Variants in SYNDIG1 observed in about 807,000 individuals in gnomAD.
SYNDIG1 encodes the protein synapse differentiation inducing 1, also known as synapse differentiation-inducing gene protein 1.
A neutral mutation model predicts 19.4 loss-of-function variants in SYNDIG1; 9 were observed. The ratio of observed to expected loss-of-function variants is 0.46; its 90% confidence interval spans 0.28 to 0.81. The LOEUF is 0.81. Among genes scored for constraint, SYNDIG1 ranks in the 30% least tolerant of loss-of-function variants. The pLI, the probability that SYNDIG1 is intolerant of heterozygous loss-of-function variation, is 0.12. For missense variants in SYNDIG1, 311 were observed against 343.3 expected, an observed-to-expected ratio of 0.91 and a Z score of 0.74; for synonymous variants, 141 against 145.9, an observed-to-expected ratio of 0.97 and a Z score of 0.24.
chr20:24,480,416 C>T (rs898886635), intron 1 of SYNDIG1, among the ~76,000 whole-genome samples: 9 of 152,110 alleles, frequency 5.9e-5, no homozygotes, highest in Admixed American at 1.3e-4. Context: ...GTTCAAATTA[C>T]GTTAATTGAC....
intron 1 of SYNDIG1, among the ~76,000 whole-genome samples, chr20:24,489,327 CAT>C (rs1054179668): frequency 1.3e-3 from 185 of 147,834 alleles, no homozygotes; most frequent in African/African-American, 4.4e-3. Flanking sequence ...CATGGACACA[CAT>C]ATAGATTCAT....
intron 1 of SYNDIG1, among the ~76,000 whole-genome samples, chr20:24,475,719 A>C (rs1444783724): frequency 6.6e-6 from 1 of 152,210 alleles, no homozygotes; most frequent in East Asian, 1.9e-4. Flanking sequence ...ATCCTAACCT[A>C]GTCTTGGAAT....
intron 3 of SYNDIG1, among the ~76,000 whole-genome samples, chr20:24,599,286 T>C (rs1029994917): frequency 2.6e-5 from 4 of 152,080 alleles, no homozygotes; most frequent in Admixed American, 6.6e-5. Flanking sequence ...CAATGAGATA[T>C]CATCATCTTA....
chr20:24,553,817 TA>T (rs2057756817), intron 2 of SYNDIG1, among the ~76,000 whole-genome samples: 1 of 152,206 alleles, frequency 6.6e-6, no homozygotes, highest in Non-Finnish European at 1.5e-5. Flanking sequence ...ATATGAACTT[TA>T]AAGTAGTTTT....
At chr20:24,525,736 C>T (rs577555138) in intron 1 of SYNDIG1, among the ~76,000 whole-genome samples, 1 of 152,248 alleles carries the variant, frequency 6.6e-6, no homozygotes, top group South Asian at 2.1e-4. Flanking sequence ...TTTATATGTG[C>T]ATTTTTGATC....
At chr20:24,481,647 A>T (rs563216599) in intron 1 of SYNDIG1, among the ~76,000 whole-genome samples, 1 of 152,222 alleles carries the variant, frequency 6.6e-6, no homozygotes, top group Admixed American at 6.5e-5. Flanking sequence ...GAAAGAATTT[A>T]TGAACCATGT....
intron 1 of SYNDIG1, among the ~76,000 whole-genome samples, chr20:24,535,005 T>C (rs938482758): frequency 2.0e-5 from 3 of 152,236 alleles, no homozygotes; most frequent in African/African-American, 7.2e-5. Context: ...TGGTTTTCAC[T>C]TGCATTGAGA....
chr20:24,637,652 G>A (rs569587461), intron 3 of SYNDIG1, among the ~76,000 whole-genome samples: 1 of 152,330 alleles, frequency 6.6e-6, no homozygotes, highest in South Asian at 2.1e-4. Flanking sequence ...AAGGAAGGGG[G>A]AAGGTGATGC....
At chr20:24,500,644 G>A (rs767071591) in intron 1 of SYNDIG1, among the ~76,000 whole-genome samples, 8 of 151,312 alleles carry the variant, frequency 5.3e-5, no homozygotes, top group Non-Finnish European at 7.4e-5. Context: ...AAACCCAAGC[G>A]CACTGCTGTG....
At chr20:24,516,168 C>G (rs2146501643) in intron 1 of SYNDIG1, among the ~76,000 whole-genome samples, 1 of 152,302 alleles carries the variant, frequency 6.6e-6, no homozygotes, top group East Asian at 1.9e-4. Context: ...CCCTTCCTTA[C>G]ACCTTATACA....
chr20:24,571,446 T>C (rs2058142029), intron 2 of SYNDIG1, among the ~76,000 whole-genome samples: 1 of 152,210 alleles, frequency 6.6e-6, no homozygotes. Context: ...TTGAAAATTT[T>C]ATGTAAGTCC....
chr20:24,522,571 G>A (rs985304909), intron 1 of SYNDIG1, among the ~76,000 whole-genome samples: 6 of 152,162 alleles, frequency 3.9e-5, no homozygotes, highest in South Asian at 4.1e-4. Flanking sequence ...CTTGGTTACT[G>A]TTGTATTCAT....
At chr20:24,507,319 C>T (rs78654557) in intron 1 of SYNDIG1, among the ~76,000 whole-genome samples, 3,490 of 152,348 alleles carry the variant, frequency 0.023, 110 homozygotes, top group African/African-American at 0.079. Context: ...AGCTGAGACA[C>T]ACAGCCGGGC....
chr20:24,537,477 A>G (rs1008641178), intron 1 of SYNDIG1, among the ~76,000 whole-genome samples: 4 of 151,074 alleles, frequency 2.6e-5, no homozygotes, highest in Non-Finnish European at 5.9e-5. Context: ...TATGGTATAC[A>G]CTCCTCCCTC....
chr20:24,626,014 C>T lies in SYNDIG1; in HGVS notation c.619-39332C>T, dbSNP rs549928486. Among the ~76,000 whole-genome samples the T allele has an allele frequency of 6.0e-5, 9 of 150,234 alleles. No homozygotes were observed. In the South Asian group the frequency reaches 6.3e-4, roughly 10 times the overall value. ...GGGGCTGGCCCCCCCACCTCCCTCC[C>T]GGACGGGGTGGCTGGCCAGGTGGGG... is the stretch of plus-strand genomic sequence containing the variant. On this transcript the variant is annotated intron_variant, in intron 3 of 3. Transcript: ENST00000376862.
intron 2 of SYNDIG1, among the ~76,000 whole-genome samples, chr20:24,551,518 T>G (rs2146798323): frequency 6.6e-6 from 1 of 152,150 alleles, no homozygotes; most frequent in African/African-American, 2.4e-5. Flanking sequence ...CATCCTGCCC[T>G]CTGTTTCCTT....
At chr20:24,616,646 A>G (rs988745068) in intron 3 of SYNDIG1, among the ~76,000 whole-genome samples, 1 of 152,198 alleles carries the variant, frequency 6.6e-6, no homozygotes, top group Non-Finnish European at 1.5e-5. Flanking sequence ...TGCAAGGCGG[A>G]GCAGAAAGGA....
At chr20:24,533,419 A>G (rs921752984) in intron 1 of SYNDIG1, among the ~76,000 whole-genome samples, 16 of 152,150 alleles carry the variant, frequency 1.1e-4, no homozygotes, top group Admixed American at 2.0e-4. Context: ...TTACAGACAT[A>G]CAAGTTGGCC....
intron 1 of SYNDIG1, among the ~76,000 whole-genome samples, chr20:24,497,904 C>G (rs1290933827): frequency 6.6e-6 from 1 of 152,222 alleles, no homozygotes. Context: ...TGGCTAAGTG[C>G]TGACAGTAAA....
Sources: gnomAD v4.1 joint callset for allele counts (sites outside exome capture counted in the v4.1 genomes callset) on GRCh38, gnomAD v4.1.1 for gene constraint, MANE v1.5 for transcripts, NCBI Gene and HGNC (gene_info 2026-07-23, HGNC 2026-07-21) for gene names.